Variants in TMPRSS7 observed in about 807,000 individuals in gnomAD.
The protein encoded by TMPRSS7 is transmembrane serine protease 7, also known as transmembrane protease serine 7.
In TMPRSS7, 81 loss-of-function variants were observed where a neutral mutation model predicts 95.6. That is an observed-to-expected ratio of 0.85 (90% CI 0.71 to 1.02). The LOEUF (loss-of-function observed/expected upper bound fraction) is 1.02. Among genes scored for constraint, TMPRSS7 ranks in the 50% least tolerant of loss-of-function variants. The pLI is 0.00. For missense variants in TMPRSS7, 945 were observed against 955.2 expected (o/e 0.99, Z 0.14); for synonymous variants, 364 against 337.8 (o/e 1.08, Z -0.85).
At chr3:112,060,077 A>C (rs1233831253) in intron 10 of TMPRSS7, among the ~76,000 whole-genome samples, 1 of 152,172 alleles carries the variant, frequency 6.6e-6, no homozygotes. Context: ...ATGTTGGTAG[A>C]TTCCGTGATG....
exon 16 of TMPRSS7, chr3:112,077,133 G>A: frequency 6.2e-7 from 1 of 1,613,948 alleles, no homozygotes; most frequent in East Asian, 2.2e-5. Flanking sequence ...TGGGGGCGAA[G>A]ACACGAAGCA....
chr3:112,049,592 A>G (rs754589567), intron 7 of TMPRSS7, among the ~76,000 whole-genome samples: 2 of 152,170 alleles, frequency 1.3e-5, no homozygotes, highest in African/African-American at 4.8e-5. Flanking sequence ...TTTGTGCCCA[A>G]GGAGCATACA....
chr3:112,077,670 C>T (rs2073729043), intron 16 of TMPRSS7, among the ~76,000 whole-genome samples: 2 of 151,998 alleles, frequency 1.3e-5, no homozygotes, highest in South Asian at 4.2e-4. Context: ...GGTTATACCT[C>T]CAGGATTTGG....
intron 13 of TMPRSS7, among the ~76,000 whole-genome samples, chr3:112,073,241 A>G (rs1576121888): frequency 1.3e-5 from 2 of 151,258 alleles, no homozygotes; most frequent in South Asian, 4.2e-4. Context: ...ACTGGTGCAC[A>G]CCACCATGCC....
chr3:112,057,613 G>A (rs1370717616), intron 10 of TMPRSS7, among the ~76,000 whole-genome samples: 4 of 152,116 alleles, frequency 2.6e-5, no homozygotes, highest in African/African-American at 7.2e-5. Flanking sequence ...CAATGTACTA[G>A]GTGCTCACTC....
intron 17 of TMPRSS7, 61 bp downstream of exon 17, chr3:112,078,939 T>G: frequency 6.3e-7 from 1 of 1,582,446 alleles, no homozygotes; most frequent in Non-Finnish European, 8.6e-7. Context: ...GCTTTCTCAC[T>G]TAATCTACAT....
intron 3 of TMPRSS7, chr3:112,043,116 A>G (rs2073231550): frequency 2.2e-6 from 1 of 455,888 alleles, no homozygotes; most frequent in Admixed American, 2.3e-5. Flanking sequence ...TGTGTCGCTT[A>G]ACAATGGAGA....
intron 4 of TMPRSS7, among the ~76,000 whole-genome samples, chr3:112,045,026 G>A (rs1448075832): frequency 1.3e-5 from 2 of 152,188 alleles, no homozygotes; most frequent in Non-Finnish European, 2.9e-5. Flanking sequence ...GTTGTATTCG[G>A]CTTCAGTTTT....
intron 13 of TMPRSS7, among the ~76,000 whole-genome samples, chr3:112,066,703 C>G (rs539927991): frequency 6.6e-6 from 1 of 152,060 alleles, no homozygotes; most frequent in African/African-American, 2.4e-5. Context: ...GTTGGTCACT[C>G]TAAATGGAGT....
chr3:112,048,389 TA>T (rs2073305846), intron 7 of TMPRSS7, among the ~76,000 whole-genome samples: 2 of 152,206 alleles, frequency 1.3e-5, no homozygotes, highest in Non-Finnish European at 2.9e-5. Context: ...TGTAGAAAAT[TA>T]GGTTAGAGGA....
At chr3:112,038,012 T>A in intron 1 of TMPRSS7, 60 bp from the exon 2 acceptor site, 1 of 683,182 alleles carries the variant, frequency 1.5e-6, no homozygotes, top group Non-Finnish European at 2.7e-6. Context: ...GACTGGGTAG[T>A]TTCATTTAAG....
intron 16 of TMPRSS7, among the ~76,000 whole-genome samples, chr3:112,077,655 C>T (rs1292892932): frequency 1.3e-5 from 2 of 152,024 alleles, no homozygotes; most frequent in Non-Finnish European, 2.9e-5. Flanking sequence ...AAACTCAGGC[C>T]TGGAGGTTAT....
At chr3:112,034,949 G>A in intron 1 of TMPRSS7, 56 bp downstream of exon 1, 1 of 701,258 alleles carries the variant, frequency 1.4e-6, no homozygotes, top group Non-Finnish European at 2.6e-6. Context: ...TGTTGACCCT[G>A]TTAGTAAAAT....
Position 112,078,725 on chromosome 3 carries a change from T to C in TMPRSS7, c.2225-17T>C, listed in dbSNP as rs752996275. 1.9e-6 allele frequency: 3 copies of C among 1,613,948 alleles called. No individual in the cohort carries two copies. Among genetic ancestry groups the C allele is most frequent in the Non-Finnish European group, 2.5e-6 (3 of 1,179,878 alleles). On this transcript the variant is annotated splice_polypyrimidine_tract_variant and intron_variant, in intron 16 of 17. Coordinates refer to ENST00000452346, the Ensembl canonical transcript of TMPRSS7. The stretch of plus-strand genomic sequence containing the variant: ...CATTACCACTAACATCATTTCTACT[T>C]CCAATGTGTTTTGCAGATAATAAAG...
At chr3:112,069,892 C>T (rs2073621431) in intron 13 of TMPRSS7, among the ~76,000 whole-genome samples, 1 of 152,010 alleles carries the variant, frequency 6.6e-6, no homozygotes, top group Non-Finnish European at 1.5e-5. Flanking sequence ...TTTGCTCTTG[C>T]TTCCCTAGTT....
exon 2 of TMPRSS7, chr3:112,038,075 T>C (rs1045749549): frequency 1.4e-6 from 1 of 701,754 alleles, no homozygotes; most frequent in African/African-American, 1.8e-5. Flanking sequence ...TTTGAAGATA[T>C]CCAATATCTC....
At chr3:112,054,068 T>C (rs960497823) in intron 9 of TMPRSS7, among the ~76,000 whole-genome samples, 4 of 152,204 alleles carry the variant, frequency 2.6e-5, no homozygotes, top group Non-Finnish European at 5.9e-5. Flanking sequence ...ATGCACAAGA[T>C]TCCCCAGAAG....
intron 13 of TMPRSS7, among the ~76,000 whole-genome samples, chr3:112,067,137 T>A (rs1354189359): frequency 6.6e-6 from 1 of 152,240 alleles, no homozygotes. Flanking sequence ...GCTTCATCCA[T>A]GTCCCTGCAA....
intron 15 of TMPRSS7, among the ~76,000 whole-genome samples, chr3:112,076,502 C>G (rs568459114): frequency 6.6e-6 from 1 of 152,294 alleles, no homozygotes; most frequent in South Asian, 2.1e-4. Context: ...GATTCTCCAT[C>G]AAATGCCATT....
Sources: allele counts gnomAD v4.1 joint callset (sites outside exome capture counted in the v4.1 genomes callset), GRCh38; gene constraint gnomAD v4.1.1; transcripts MANE v1.5; gene names NCBI Gene and HGNC (gene_info 2026-07-23, HGNC 2026-07-21).